TNNI3K: variants seen among roughly 807,000 people sequenced by gnomAD.
TNNI3K encodes the protein serine/threonine-protein kinase TNNI3K.
In TNNI3K, 140 loss-of-function variants were observed where a neutral mutation model predicts 114.5. The ratio of observed to expected loss-of-function variants is 1.22; its 90% CI spans 1.07 to 1.41. The LOEUF (loss-of-function observed/expected upper bound fraction) is 1.41. Ranked by LOEUF, TNNI3K falls within the 40% of genes most tolerant of loss-of-function variation. The pLI is 0.00. For missense variants in TNNI3K, 1,125 were observed against 1,007.6 expected, an observed-to-expected ratio of 1.12 and a Z score of -1.58; for synonymous variants, 347 against 347.5, an observed-to-expected ratio of 1.00 and a Z score of 0.02.
chr1:74,407,283 C>T (rs973674288), intron 17 of TNNI3K, among the ~76,000 whole-genome samples: 10 of 152,002 alleles, frequency 6.6e-5, no homozygotes, highest in South Asian at 2.1e-4. Context: ...CAGAACTCCT[C>T]GGAAGATATA....
At chr1:74,298,861 A>G (rs1468901581) in intron 5 of TNNI3K, among the ~76,000 whole-genome samples, 2 of 152,124 alleles carry the variant, frequency 1.3e-5, no homozygotes, top group Non-Finnish European at 2.9e-5. Context: ...TTTGGTTTAT[A>G]AAAAAGCATC....
At chr1:74,361,334 A>T (rs1661956355) in intron 11 of TNNI3K, among the ~76,000 whole-genome samples, 1 of 152,046 alleles carries the variant, frequency 6.6e-6, no homozygotes, top group Non-Finnish European at 1.5e-5. Flanking sequence ...CTGTTGTAAG[A>T]TTCACCATTA....
Position 74,383,846 on chromosome 1 carries a change from TATG to T in TNNI3K, c.1772+13459_1772+13461del, listed in dbSNP as rs577692088. Among the ~76,000 whole-genome samples the T allele has an allele frequency of 3.5e-4, 54 of 152,218 alleles. 1 individual carries two copies. Among genetic ancestry groups the T allele is most frequent in the African/African-American group, 1.2e-3 (50 of 41,548 alleles). On this transcript the variant is annotated intron_variant, in intron 17 of 24. Coordinates refer to ENST00000326637, the MANE Select transcript of TNNI3K (RefSeq NM_015978.3). ...ATCTAATTAAATCTTCGTAGCTCTA[TATG>T]ATGACAGTTTTGAATACATAATGAC... is the stretch of plus-strand genomic sequence containing the variant.
chr1:74,383,821 A>G (rs1055963101), intron 17 of TNNI3K, among the ~76,000 whole-genome samples: 2 of 152,144 alleles, frequency 1.3e-5, no homozygotes, highest in Non-Finnish European at 2.9e-5. Context: ...TACAGAGATC[A>G]TCTAATTAAA....
At position 74,336,094 on chromosome 1, in the gene TNNI3K, A is replaced by G. The variant is rs773628844; in HGVS notation, c.627A>G (p.Ala209=). ...VGDRPLHLAS[A]KGFLNIAKLL... Reference sequence around the variant, plus strand: ...ATAGACCCCTCCACCTAGCATCTGCAAAAGGATTCTTGAATATTGCAAAAC... The same window carrying G: ...ATAGACCCCTCCACCTAGCATCTGCGAAAGGATTCTTGAATATTGCAAAAC... The change falls in exon 7 of 25, where the codon GCA becomes GCG. Residue 209 remains alanine, a synonymous_variant. Transcript: ENST00000326637. 4.4e-6 allele frequency: 7 copies of G among 1,604,470 alleles called. No individual in the cohort carries two copies. The highest frequency in any genetic ancestry group is 4.2e-6 in the Non-Finnish European group (5 of 1,177,154).
At chr1:74,385,083 G>C (rs1663405406) in intron 17 of TNNI3K, among the ~76,000 whole-genome samples, 1 of 151,966 alleles carries the variant, frequency 6.6e-6, no homozygotes, top group Admixed American at 6.6e-5. Context: ...TTCAAATATG[G>C]TCAACATTCT....
At position 74,423,523 on chromosome 1, in the gene TNNI3K, T is replaced by G. The variant is rs577180298; in HGVS notation, c.1773-12557T>G. 5.3e-5 allele frequency among the ~76,000 whole-genome samples: 8 copies of G among 152,238 alleles called. No individual in the cohort carries two copies. The East Asian group carries it at 1.4e-3, about 26-fold the overall frequency. On this transcript the variant is annotated intron_variant, in intron 17 of 24. Coordinates refer to ENST00000326637, the MANE Select transcript of TNNI3K (RefSeq NM_015978.3). Reference sequence around the variant, plus strand: ...TGGATTCTAATCATAATTCTGACACTTTATCAAATGTGTGACCTTATACCT... The same window carrying G: ...TGGATTCTAATCATAATTCTGACACGTTATCAAATGTGTGACCTTATACCT...
At chr1:74,407,336 A>G (rs577966078) in intron 17 of TNNI3K, among the ~76,000 whole-genome samples, 33 of 152,280 alleles carry the variant, frequency 2.2e-4, no homozygotes, top group Admixed American at 2.0e-4. Context: ...CTACTCTGCC[A>G]TGCAGCAGGG....
chr1:74,363,602 C>T (rs897207326), intron 11 of TNNI3K, among the ~76,000 whole-genome samples: 17 of 152,066 alleles, frequency 1.1e-4, no homozygotes, highest in Admixed American at 8.5e-4. Context: ...ATGCAACTTT[C>T]TGCTTCATTG....
At chr1:74,280,817 G>A (rs939330684) in intron 5 of TNNI3K, among the ~76,000 whole-genome samples, 25 of 152,204 alleles carry the variant, frequency 1.6e-4, no homozygotes, top group African/African-American at 5.3e-4. Context: ...GACTTGGGGT[G>A]CACGTGACCC....
chr1:74,306,106 G>A (rs1185419645), intron 5 of TNNI3K, among the ~76,000 whole-genome samples: 3 of 152,108 alleles, frequency 2.0e-5, no homozygotes, highest in Non-Finnish European at 4.4e-5. Flanking sequence ...AGTACATGGA[G>A]TATTTGATTT....
chr1:74,417,331 G>A (rs77736649), intron 17 of TNNI3K, among the ~76,000 whole-genome samples: 2,876 of 152,044 alleles, frequency 0.019, 109 homozygotes, highest in African/African-American at 0.066. Flanking sequence ...GCTGCTTCCC[G>A]TCAGTGGCTG....
Position 74,460,114 on chromosome 1 carries a change from C to T in TNNI3K, c.2012-3327C>T, listed in dbSNP as rs552370087. On this transcript the variant is annotated intron_variant, in intron 20 of 24. Transcript: ENST00000326637. ...TTTTTGAGACGGAGTCTTGCTCTGTCGCCCAGGCTGGAGTGCAGTGGCACG... is the reference window on the plus strand; with the variant it reads ...TTTTTGAGACGGAGTCTTGCTCTGTTGCCCAGGCTGGAGTGCAGTGGCACG... Among the ~76,000 whole-genome samples the T allele has an allele frequency of 1.4e-3, 208 of 150,654 alleles. 1 individual carries two copies. The highest frequency in any genetic ancestry group is 4.7e-3 in the African/African-American group (191 of 40,936).
intron 21 of TNNI3K, among the ~76,000 whole-genome samples, chr1:74,467,825 T>C (rs1337419825): frequency 6.6e-6 from 1 of 152,162 alleles, no homozygotes; most frequent in African/African-American, 2.4e-5. Context: ...CTAAGTTTAC[T>C]GAATTAAAAT....
At chr1:74,523,951 G>A (rs1646468522) in intron 23 of TNNI3K, among the ~76,000 whole-genome samples, 1 of 151,344 alleles carries the variant, frequency 6.6e-6, no homozygotes, top group Non-Finnish European at 1.5e-5. Context: ...AGGCCCCAGT[G>A]TGTGATATTC....
At chr1:74,474,999 G>A (rs1235160371) in intron 21 of TNNI3K, among the ~76,000 whole-genome samples, 2 of 13,088 alleles carry the variant, frequency 1.5e-4, no homozygotes, top group Admixed American at 1.2e-3. Flanking sequence ...CTATTTAAAA[G>A]GCTACTTTTT....
intron 24 of TNNI3K, among the ~76,000 whole-genome samples, chr1:74,540,800 C>T (rs1382267176): frequency 6.6e-6 from 1 of 152,044 alleles, no homozygotes; most frequent in Non-Finnish European, 1.5e-5. Flanking sequence ...GGGTAAAATG[C>T]AAATCCAGCC....
At chr1:74,239,654 A>G (rs1654064540) in intron 2 of TNNI3K, among the ~76,000 whole-genome samples, 1 of 152,158 alleles carries the variant, frequency 6.6e-6, no homozygotes, top group South Asian at 2.1e-4. Flanking sequence ...CAATTTCTTT[A>G]TGGCATTCCC....
intron 17 of TNNI3K, chr1:74,372,092 G>GAAAAAAAAAAAAAAAAAAAAAA (rs61241236): frequency 7.4e-6 from 1 of 135,262 alleles, no homozygotes; most frequent in African/African-American, 2.9e-5. Context: ...TAGTTTTTAA[G>GAAAAAAAAAAAAAAAAAAAAAA]AAAAAAAAAA....
Sources: allele counts gnomAD v4.1 joint callset (sites outside exome capture counted in the v4.1 genomes callset), GRCh38; gene constraint gnomAD v4.1.1; transcripts MANE v1.5; gene names NCBI Gene and HGNC (gene_info 2026-07-23, HGNC 2026-07-21).